PREX2: variants seen among roughly 807,000 people sequenced by gnomAD.
PREX2 encodes phosphatidylinositol-3,4,5-trisphosphate dependent Rac exchange factor 2.
Under a neutral mutation model 203.2 loss-of-function variants are expected in PREX2, and 107 were observed. That is an observed-to-expected ratio of 0.53 (90% CI 0.45 to 0.62). The LOEUF is 0.62. Ranked by LOEUF, PREX2 falls within the 20% of genes least tolerant of loss-of-function variation. The probability of loss-of-function intolerance (pLI) is 0.00; values close to 1 mark genes in which losing one functional copy is unlikely to be tolerated. For missense variants in PREX2, 1,777 were observed against 1,955.9 expected (o/e 0.91, Z 1.72); for synonymous variants, 672 against 663.6 (o/e 1.01, Z -0.19).
intron 1 of PREX2, among the ~76,000 whole-genome samples, chr8:68,005,368 A>G (rs937945082): frequency 6.6e-6 from 1 of 152,156 alleles, no homozygotes; most frequent in Non-Finnish European, 1.5e-5. Flanking sequence ...GCCCCTCCAT[A>G]GCCAGTTCTC....
rs535133757 is a variant in PREX2 at position 68,172,692 on chromosome 8, A to T, written c.4346+15256A>T. ...GGTTATAGTATTTGGGGGAGAAGGG[A>T]TATTTTCTAGCAGAGGGAACAGCAT... On this transcript the variant is annotated intron_variant, in intron 35 of 39. Coordinates refer to ENST00000288368, the MANE Select transcript of PREX2 (RefSeq NM_024870.4). 9.2e-5 allele frequency among the ~76,000 whole-genome samples: 14 copies of T among 152,308 alleles called. 1 individual carries two copies. The highest frequency in any genetic ancestry group is 3.1e-4 in the African/African-American group (13 of 41,580).
intron 23 of PREX2, among the ~76,000 whole-genome samples, chr8:68,107,175 C>G (rs1365373954): frequency 6.6e-6 from 1 of 152,060 alleles, no homozygotes; most frequent in African/African-American, 2.4e-5. Flanking sequence ...GGAAGGCCTC[C>G]TGATGATTTG....
intron 1 of PREX2, among the ~76,000 whole-genome samples, chr8:67,982,539 G>T (rs1806302901): frequency 1.3e-5 from 2 of 152,170 alleles, no homozygotes; most frequent in South Asian, 4.1e-4. Context: ...ACTAATAAAA[G>T]ATACATTGAC....
chr8:68,091,308 G>A (rs1809867574), intron 20 of PREX2, among the ~76,000 whole-genome samples: 1 of 152,062 alleles, frequency 6.6e-6, no homozygotes, highest in African/African-American at 2.4e-5. Context: ...TGATCTACAA[G>A]TGCCACAAAA....
intron 23 of PREX2, among the ~76,000 whole-genome samples, chr8:68,104,614 T>A (rs1336952310): frequency 1.3e-5 from 2 of 152,186 alleles, no homozygotes; most frequent in Non-Finnish European, 2.9e-5. Context: ...CCAACCCTCT[T>A]ACACTGCTCA....
chr8:68,030,581 A>T lies in PREX2; in HGVS notation c.628A>T (p.Asn210Tyr), dbSNP rs1174107286. Residue 210 changes from asparagine to tyrosine, a missense_variant, in exon 6 of 40, where the codon AAC (asparagine) becomes TAC (tyrosine). Asn to Tyr is a moderately radical substitution (Grantham distance 143, BLOSUM62 -2). Coordinates refer to ENST00000288368, the MANE Select transcript of PREX2 (RefSeq NM_024870.4). ...CCAAGCCATGAAAGCTGTCTGTTCC[A>T]ACATAAACGAGGCCAAGAGACAGAT... is the stretch of plus-strand genomic sequence containing the variant. ...ALQAMKAVCS[N>Y]INEAKRQMEK... 6.2e-7 allele frequency: 1 copy of T among 1,613,722 alleles called. No individual in the cohort carries two copies. The highest frequency in any genetic ancestry group is 8.5e-7 in the Non-Finnish European group (1 of 1,179,714).
intron 37 of PREX2, among the ~76,000 whole-genome samples, chr8:68,202,799 G>C (rs1025481156): frequency 6.6e-6 from 1 of 152,170 alleles, no homozygotes; most frequent in Non-Finnish European, 1.5e-5. Flanking sequence ...CACTGTGGAG[G>C]CTGAGAAGTC....
intron 35 of PREX2, among the ~76,000 whole-genome samples, chr8:68,180,654 G>A (rs543888655): frequency 6.6e-6 from 1 of 152,220 alleles, no homozygotes; most frequent in South Asian, 2.1e-4. Context: ...CAAGGTGCCA[G>A]GGCAAAGTCA....
At chr8:68,076,771 T>C (rs1809363916) in intron 14 of PREX2, among the ~76,000 whole-genome samples, 1 of 151,382 alleles carries the variant, frequency 6.6e-6, no homozygotes. Flanking sequence ...ATAAAATAGG[T>C]GTTTTCTAAA....
At chr8:68,128,918 T>C (rs1810949007) in intron 31 of PREX2, among the ~76,000 whole-genome samples, 1 of 152,220 alleles carries the variant, frequency 6.6e-6, no homozygotes, top group Admixed American at 6.5e-5. Context: ...TATTTGTCCA[T>C]TGGTTTTTTG....
chr8:68,067,539 A>G (rs1315224697), intron 11 of PREX2, among the ~76,000 whole-genome samples: 2 of 151,488 alleles, frequency 1.3e-5, no homozygotes, highest in East Asian at 1.9e-4. Flanking sequence ...TCTTTTTTCC[A>G]TAGTGCATTG....
Position 67,952,287 on chromosome 8 carries a change from G to C in PREX2, c.-108G>C. The C allele has an allele frequency of 1.1e-6, 1 of 931,612 alleles. No homozygotes were observed. The allele number at this position is 931,612 out of a possible 1,614,324, so 57.7% of individuals were successfully genotyped here. The stretch of plus-strand genomic sequence containing the variant: ...AGTCTTCTGTCTCTCCTCGGAGTTG[G>C]CGGAGGCGGCAACTTTCCATTCTCG... On this transcript the variant is annotated 5_prime_UTR_variant, in exon 1 of 40. Transcript: ENST00000288368.
In PREX2 at chr8:68,192,366, T is replaced by C; in HGVS notation, c.4445T>C (p.Leu1482Pro). 8 of 1,609,144 alleles carry C rather than the reference T, an allele frequency of 5.0e-6. No individual in the cohort carries two copies. The highest frequency in any genetic ancestry group is 1.3e-5 in the African/African-American group (1 of 74,942). The change falls in exon 37 of 40, where the codon CTT becomes CCT. Residue 1482 changes from leucine to proline, a missense_variant. Leu to Pro is a moderately conservative substitution (Grantham distance 98, BLOSUM62 -3). Coordinates refer to ENST00000288368, the MANE Select transcript of PREX2 (RefSeq NM_024870.4). ...LMRPLNALDE[L>P]YRLVASFIRS... ...AGGCCTCTCAACGCTTTGGATGAAC[T>C]TTACCGACTGGTAGCCTCGTTTATC...
At chr8:68,169,262 G>A (rs1449606470) in intron 35 of PREX2, among the ~76,000 whole-genome samples, 2 of 152,084 alleles carry the variant, frequency 1.3e-5, no homozygotes, top group African/African-American at 4.8e-5. Flanking sequence ...GAGGCAATCA[G>A]CCAGACCCAG....
chr8:68,165,959 G>A (rs1811753290), intron 35 of PREX2, among the ~76,000 whole-genome samples: 1 of 152,208 alleles, frequency 6.6e-6, no homozygotes, highest in African/African-American at 2.4e-5. Flanking sequence ...TATCTGCAAT[G>A]TTTTAAAGCA....
Position 67,976,394 on chromosome 8 carries a change from C to CAG in PREX2, c.141+23877_141+23878dup, listed in dbSNP as rs10581118. On this transcript the variant is annotated intron_variant, in intron 1 of 39. Coordinates refer to ENST00000288368, the MANE Select transcript of PREX2 (RefSeq NM_024870.4). Reference sequence around the variant, plus strand: ...ACACTGAGAGAAAGAGGGAGAGAGACAGAGAGAGAGAGAGAGAGACAGGAG... The same window carrying CAG: ...ACACTGAGAGAAAGAGGGAGAGAGACAGAGAGAGAGAGAGAGAGAGACAGGAG... 6.2e-3 allele frequency among the ~76,000 whole-genome samples: 831 copies of CAG among 134,630 alleles called. 11 individuals carry two copies. Among genetic ancestry groups the CAG allele is most frequent in the African/African-American group, 0.019 (702 of 37,636 alleles). The allele number at this position is 134,630 out of a possible 152,430, so 88.3% of individuals were successfully genotyped here. A position where few individuals can be genotyped will look rare whatever the true frequency, so the allele number is the denominator to read the frequency against.
intron 18 of PREX2, among the ~76,000 whole-genome samples, chr8:68,086,238 C>T (rs187917720): frequency 3.3e-5 from 5 of 152,260 alleles, no homozygotes; most frequent in Middle Eastern, 6.8e-3. Context: ...TTTCCGAGAG[C>T]AGAAAATCTT....
chr8:68,108,994 A>G (rs779260269), intron 24 of PREX2: 5 of 446,704 alleles, frequency 1.1e-5, no homozygotes, highest in African/African-American at 8.1e-5. Flanking sequence ...AAATATAAAA[A>G]AGTTGATCTC....
At chr8:68,135,317 A>G (rs1273236178) in intron 32 of PREX2, among the ~76,000 whole-genome samples, 6 of 152,182 alleles carry the variant, frequency 3.9e-5, no homozygotes, top group Non-Finnish European at 8.8e-5. Flanking sequence ...ATGAGAAAAT[A>G]TTTACAAATC....
Sources: allele counts gnomAD v4.1 joint callset (sites outside exome capture counted in the v4.1 genomes callset), GRCh38; gene constraint gnomAD v4.1.1; transcripts MANE v1.5; gene names NCBI Gene and HGNC (gene_info 2026-07-23, HGNC 2026-07-21).